Variants in CACNA2D1 observed in about 807,000 individuals in gnomAD.
CACNA2D1 encodes calcium voltage-gated channel auxiliary subunit alpha2delta 1.
In CACNA2D1, 53 loss-of-function variants were observed where a neutral mutation model predicts 171.5. The observed-to-expected ratio is 0.31, with a 90% CI of 0.25 to 0.39. The LOEUF (loss-of-function observed/expected upper bound fraction) is 0.39. CACNA2D1 is among the 10% of genes least tolerant of loss of function. The pLI is 1.00. For missense variants in CACNA2D1, 903 were observed against 1,299.8 expected, an observed-to-expected ratio of 0.69 and a Z score of 4.69; for synonymous variants, 442 against 443.1, an observed-to-expected ratio of 1.00 and a Z score of 0.03.
At chr7:82,251,052 A>C (rs2129315031) in intron 3 of CACNA2D1, among the ~76,000 whole-genome samples, 1 of 152,322 alleles carries the variant, frequency 6.6e-6, no homozygotes, top group African/African-American at 2.4e-5. Context: ...CAAGTCAGAT[A>C]TCTGTATCTG....
chr7:82,204,688 A>C (rs1799827185), intron 3 of CACNA2D1, among the ~76,000 whole-genome samples: 1 of 152,046 alleles, frequency 6.6e-6, no homozygotes, highest in South Asian at 2.1e-4. Context: ...TCTGGGACCT[A>C]TGTGCCCAGA....
chr7:82,297,454 T>G (rs1022002210), intron 3 of CACNA2D1, among the ~76,000 whole-genome samples: 8 of 152,156 alleles, frequency 5.3e-5, no homozygotes, highest in Non-Finnish European at 1.0e-4. Flanking sequence ...TAATTAGAAG[T>G]GTGTTTCTTC....
intron 1 of CACNA2D1, among the ~76,000 whole-genome samples, chr7:82,442,058 T>C (rs1830545264): frequency 6.6e-6 from 1 of 152,204 alleles, no homozygotes; most frequent in Admixed American, 6.5e-5. Context: ...TATGGAAGAT[T>C]ATCTAAAGAG....
intron 3 of CACNA2D1, among the ~76,000 whole-genome samples, chr7:82,195,993 C>G (rs78162300): frequency 6.6e-6 from 1 of 152,002 alleles, no homozygotes; most frequent in African/African-American, 2.4e-5. Context: ...AATGTAGTCA[C>G]TGAGCAATTG....
chr7:82,207,302 C>T (rs944540818), intron 3 of CACNA2D1, among the ~76,000 whole-genome samples: 3 of 152,130 alleles, frequency 2.0e-5, no homozygotes, highest in Non-Finnish European at 4.4e-5. Flanking sequence ...GCTCTGTGCT[C>T]TTAGAAAAAT....
chr7:82,179,961 A>C (rs1472950000), intron 3 of CACNA2D1, among the ~76,000 whole-genome samples: 1 of 152,138 alleles, frequency 6.6e-6, no homozygotes. Flanking sequence ...TCCATAATAA[A>C]GTTATTGGAA....
At chr7:82,259,566 T>A (rs1806813003) in intron 3 of CACNA2D1, among the ~76,000 whole-genome samples, 1 of 152,168 alleles carries the variant, frequency 6.6e-6, no homozygotes, top group Non-Finnish European at 1.5e-5. Flanking sequence ...TATACTACTT[T>A]CAGGCCTAAA....
chr7:82,015,588 GTA>G, intron 12 of CACNA2D1, among the ~76,000 whole-genome samples: 1 of 151,920 alleles, frequency 6.6e-6, no homozygotes, highest in South Asian at 2.1e-4. Context: ...TACTAATTTA[GTA>G]ATCTAAGTAA....
chr7:82,442,070 A>C (rs1463016003), intron 1 of CACNA2D1, among the ~76,000 whole-genome samples: 1 of 152,222 alleles, frequency 6.6e-6, no homozygotes, highest in African/African-American at 2.4e-5. Context: ...TCTAAAGAGG[A>C]ACATTACTGT....
At chr7:82,400,575 A>G (rs1826276491) in intron 1 of CACNA2D1, among the ~76,000 whole-genome samples, 1 of 151,984 alleles carries the variant, frequency 6.6e-6, no homozygotes, top group South Asian at 2.1e-4. Context: ...TAAAGACTTA[A>G]ACGTTAGACC....
At chr7:82,157,726 C>T (rs1794512169) in intron 4 of CACNA2D1, among the ~76,000 whole-genome samples, 1 of 152,034 alleles carries the variant, frequency 6.6e-6, no homozygotes, top group African/African-American at 2.4e-5. Flanking sequence ...TAGGGCCACA[C>T]AGATAGTTTA....
intron 3 of CACNA2D1, among the ~76,000 whole-genome samples, chr7:82,319,299 T>A (rs937154965): frequency 6.6e-6 from 1 of 152,188 alleles, no homozygotes; most frequent in Non-Finnish European, 1.5e-5. Flanking sequence ...TTAATTTCAT[T>A]TCAATGGATA....
chr7:82,374,839 C>A (rs1052968967), intron 1 of CACNA2D1, among the ~76,000 whole-genome samples: 1 of 151,860 alleles, frequency 6.6e-6, no homozygotes, highest in Non-Finnish European at 1.5e-5. Context: ...GGCAACACCC[C>A]TCTTGGATAT....
chr7:82,063,346 A>G (rs1807188455), intron 9 of CACNA2D1, among the ~76,000 whole-genome samples: 1 of 152,186 alleles, frequency 6.6e-6, no homozygotes, highest in African/African-American at 2.4e-5. Flanking sequence ...GCTTAAATGC[A>G]TCTTAAGAAA....
At chr7:81,955,282 A>T (rs906437256) in intron 38 of CACNA2D1, among the ~76,000 whole-genome samples, 10 of 152,104 alleles carry the variant, frequency 6.6e-5, no homozygotes, top group Admixed American at 6.6e-4. Flanking sequence ...TTGTGAGCAG[A>T]ACCTAATCCA....
chr7:81,970,811 CAA>C (rs1274017782), intron 26 of CACNA2D1, 74 bp from the exon 27 acceptor site: 33 of 844,688 alleles, frequency 3.9e-5, no homozygotes, highest in Non-Finnish European at 6.7e-5. Flanking sequence ...GTTGGTGATA[CAA>C]AGAGAAGTAA....
intron 17 of CACNA2D1, 53 bp from the exon 18 acceptor site, chr7:82,005,550 A>G: frequency 8.5e-7 from 1 of 1,173,364 alleles, no homozygotes; most frequent in Non-Finnish European, 1.2e-6. Context: ...ACAATTAGAA[A>G]TCTATATTCT....
rs191825365 is a variant in CACNA2D1 at position 82,102,905 on chromosome 7, A to G, written c.526+14139T>C. 3.2e-4 allele frequency among the ~76,000 whole-genome samples: 48 copies of G among 152,328 alleles called. No individual in the cohort carries two copies. The East Asian group carries it at 5.2e-3, about 17-fold the overall frequency. On this transcript the variant is annotated intron_variant, in intron 6 of 38. Transcript: ENST00000356860. ...ATCTACTAAGCCTTGTCACAGCACAAAACACTAAGATGTATTCATGAAATG... is the reference window on the plus strand; with the variant it reads ...ATCTACTAAGCCTTGTCACAGCACAGAACACTAAGATGTATTCATGAAATG...
At chr7:82,093,804 G>GCA (rs751077752) in intron 6 of CACNA2D1, among the ~76,000 whole-genome samples, 3 of 151,772 alleles carry the variant, frequency 2.0e-5, no homozygotes, top group South Asian at 2.1e-4. Context: ...ACATACACAG[G>GCA]CACACACACA....
Sources: gnomAD v4.1 joint callset for allele counts (sites outside exome capture counted in the v4.1 genomes callset) on GRCh38, gnomAD v4.1.1 for gene constraint, MANE v1.5 for transcripts, NCBI Gene and HGNC (gene_info 2026-07-23, HGNC 2026-07-21) for gene names.